Variants in GRM7 observed in about 807,000 individuals in gnomAD.
The protein encoded by GRM7 is metabotropic glutamate receptor 7.
Under a neutral mutation model 84.5 loss-of-function variants are expected in GRM7, and 35 were observed. The observed-to-expected ratio is 0.41, with a 90% confidence interval of 0.32 to 0.55. The LOEUF (loss-of-function observed/expected upper bound fraction) is 0.55, where lower values mean the gene tolerates loss of function less well. Ranked by LOEUF, GRM7 falls within the 20% of genes least tolerant of loss-of-function variation. GRM7 has a pLI of 0.19. For missense variants in GRM7, 1,003 were observed against 1,194.6 expected (o/e 0.84, Z 2.36); for synonymous variants, 487 against 455.1 (o/e 1.07, Z -0.89).
At chr3:7,235,822 AAAAC>A (rs1175468354) in intron 2 of GRM7, among the ~76,000 whole-genome samples, 1 of 152,252 alleles carries the variant, frequency 6.6e-6, no homozygotes, top group African/African-American at 2.4e-5. Context: ...TGAGAGAAAT[AAAAC>A]AAGCTTTGAA....
intron 1 of GRM7, among the ~76,000 whole-genome samples, chr3:7,055,322 G>C (rs142948787): frequency 9.9e-4 from 151 of 151,902 alleles, no homozygotes; most frequent in African/African-American, 3.4e-3. Context: ...CAAGCTGGGT[G>C]AAGAGAAGTT....
intron 8 of GRM7, among the ~76,000 whole-genome samples, chr3:7,676,528 C>T (rs780169423): frequency 6.6e-5 from 10 of 152,014 alleles, no homozygotes; most frequent in East Asian, 3.9e-4. Flanking sequence ...ATGTGATCTC[C>T]GCTCTCTGCA....
At chr3:7,622,975 C>T (rs537377619) in intron 8 of GRM7, among the ~76,000 whole-genome samples, 16 of 152,158 alleles carry the variant, frequency 1.1e-4, no homozygotes, top group Admixed American at 8.5e-4. Flanking sequence ...TAACTATGGG[C>T]GTCAACTAAG....
chr3:7,652,621 A>ACCC (rs1698996024), intron 8 of GRM7, among the ~76,000 whole-genome samples: 1 of 152,112 alleles, frequency 6.6e-6, no homozygotes, highest in African/African-American at 2.4e-5. Flanking sequence ...ATGGGACTCC[A>ACCC]CCCAGCCTGC....
chr3:6,996,114 T>G (rs1694820631), intron 1 of GRM7, among the ~76,000 whole-genome samples: 1 of 152,066 alleles, frequency 6.6e-6, no homozygotes, highest in Non-Finnish European at 1.5e-5. Flanking sequence ...AGTGGTGCAA[T>G]CTCGGCTCAC....
chr3:7,296,086 A>G (rs1283892041), intron 2 of GRM7, among the ~76,000 whole-genome samples: 1 of 151,890 alleles, frequency 6.6e-6, no homozygotes, highest in East Asian at 1.9e-4. Context: ...TTGTTATCAT[A>G]AATATATATA....
intron 1 of GRM7, among the ~76,000 whole-genome samples, chr3:6,924,169 CT>C (rs1397981987): frequency 2.0e-5 from 3 of 152,134 alleles, no homozygotes; most frequent in Non-Finnish European, 4.4e-5. Context: ...CCCATCTGCT[CT>C]CGTGTTGGAG....
chr3:7,645,276 C>T (rs913529906), intron 8 of GRM7, among the ~76,000 whole-genome samples: 9 of 152,168 alleles, frequency 5.9e-5, no homozygotes, highest in South Asian at 4.2e-4. Context: ...TGGCTGGGCA[C>T]AGTGGCTCAC....
intron 8 of GRM7, among the ~76,000 whole-genome samples, chr3:7,649,317 C>A (rs1361662986): frequency 1.3e-5 from 2 of 152,116 alleles, no homozygotes; most frequent in African/African-American, 2.4e-5. Flanking sequence ...GATCCTCCTG[C>A]CTCGGCCTCC....
At chr3:7,029,070 A>G (rs56029645) in intron 1 of GRM7, among the ~76,000 whole-genome samples, 3,761 of 152,258 alleles carry the variant, frequency 0.025, 162 homozygotes, top group African/African-American at 0.084. Context: ...TTGGGAGGCC[A>G]AGGAGGGCGG....
chr3:7,100,285 C>T (rs1699065586), intron 1 of GRM7, among the ~76,000 whole-genome samples: 1 of 151,464 alleles, frequency 6.6e-6, no homozygotes, highest in South Asian at 2.1e-4. Flanking sequence ...GGGCTGTGTA[C>T]TTGGTAATGT....
At chr3:7,148,220 G>A (rs965584196) in intron 2 of GRM7, among the ~76,000 whole-genome samples, 3 of 152,022 alleles carry the variant, frequency 2.0e-5, no homozygotes, top group African/African-American at 7.2e-5. Context: ...TTCTTTCTTT[G>A]TTTTTCTGAA....
At chr3:7,118,548 G>C (rs1408141224) in intron 1 of GRM7, among the ~76,000 whole-genome samples, 2 of 150,538 alleles carry the variant, frequency 1.3e-5, no homozygotes, top group East Asian at 1.9e-4. Flanking sequence ...TGTTGATATA[G>C]CATAAAGTAG....
rs527378441 is a variant in GRM7, at chr3:6,963,522, G to A, written c.519+101615G>A. The stretch of plus-strand genomic sequence containing the variant: ...AATCTGTAGTCCCAGCAACTTTGGG[G>A]GCTGAAACAGGAGAATTGCTTGAGC... On this transcript the variant is annotated intron_variant, in intron 1 of 9. Coordinates refer to ENST00000357716, the MANE Select transcript of GRM7 (RefSeq NM_000844.4). 2.0e-5 allele frequency among the ~76,000 whole-genome samples: 3 copies of A among 152,240 alleles called. No individual in the cohort carries two copies. In the East Asian group the frequency reaches 5.8e-4, roughly 29 times the overall value.
At chr3:7,479,488 A>G (rs1400609730) in intron 7 of GRM7, among the ~76,000 whole-genome samples, 1 of 152,148 alleles carries the variant, frequency 6.6e-6, no homozygotes, top group African/African-American at 2.4e-5. Flanking sequence ...AGCACCTGCT[A>G]CAGATACTTC....
chr3:7,518,510 T>C (rs994473), intron 7 of GRM7, among the ~76,000 whole-genome samples: 95,111 of 152,154 alleles, frequency 0.63, 30,741 homozygotes, highest in African/African-American at 0.8. Flanking sequence ...CAAGGTTTCT[T>C]TCTCAGATTT....
chr3:7,072,647 A>G (rs568558081), intron 1 of GRM7, among the ~76,000 whole-genome samples: 1 of 152,062 alleles, frequency 6.6e-6, no homozygotes, highest in South Asian at 2.1e-4. Flanking sequence ...TGAACACACC[A>G]CTGCACTCCA....
At chr3:7,101,628 A>T (rs1439064172) in intron 1 of GRM7, among the ~76,000 whole-genome samples, 1 of 151,020 alleles carries the variant, frequency 6.6e-6, no homozygotes, top group Middle Eastern at 3.2e-3. Context: ...TAAAAATTCT[A>T]CTTTCCTCCT....
Position 7,300,683 on chromosome 3 carries a change from C to G in GRM7, c.878+1858C>G, listed in dbSNP as rs2125024649. Among the ~76,000 whole-genome samples, 3 of 152,240 alleles carry G rather than the reference C, an allele frequency of 2.0e-5. No individual in the cohort carries two copies. The Middle Eastern group carries it at 0.01, about 518-fold the overall frequency. On this transcript the variant is annotated intron_variant, in intron 3 of 9. Transcript: ENST00000357716. ...CCCCTCCCTGGCCCATGTTTCCTTC[C>G]CTGCTTCATCACCTCAATGCTATCT...
Sources: gnomAD v4.1 joint callset for allele counts (sites outside exome capture counted in the v4.1 genomes callset) on GRCh38, gnomAD v4.1.1 for gene constraint, MANE v1.5 for transcripts, NCBI Gene and HGNC (gene_info 2026-07-23, HGNC 2026-07-21) for gene names.